Variants in NEGR1 observed in about 807,000 individuals in gnomAD.
The protein encoded by NEGR1 is IgLON family member 4.
Under a neutral mutation model 40.9 loss-of-function variants are expected in NEGR1, and 10 were observed. That is an observed-to-expected ratio of 0.24 (90% CI 0.15 to 0.42). The LOEUF is 0.42. NEGR1 is among the 10% of genes least tolerant of loss of function. NEGR1 has a pLI of 1.00. For synonymous variants in NEGR1, 185 were observed against 166.8 expected, an observed-to-expected ratio of 1.11 and a Z score of -0.84; for missense variants, 352 against 438.9, an observed-to-expected ratio of 0.80 and a Z score of 1.77.
chr1:72,037,634 A>G (rs193098185), intron 1 of NEGR1, among the ~76,000 whole-genome samples: 3 of 152,292 alleles, frequency 2.0e-5, no homozygotes, highest in Admixed American at 1.3e-4. Flanking sequence ...AGAGCAAATA[A>G]CAGAATTAAA....
chr1:71,991,351 T>A (rs1444803313), intron 1 of NEGR1, among the ~76,000 whole-genome samples: 1 of 152,170 alleles, frequency 6.6e-6, no homozygotes, highest in African/African-American at 2.4e-5. Context: ...TCAGCTCTTA[T>A]GACTTACTCT....
intron 6 of NEGR1, among the ~76,000 whole-genome samples, chr1:71,459,924 A>G (rs1414050686): frequency 2.6e-5 from 4 of 152,184 alleles, no homozygotes; most frequent in Non-Finnish European, 5.9e-5. Context: ...TACTATTGAC[A>G]ATCACAGTAC....
chr1:71,659,333 A>G (rs1431157645), intron 4 of NEGR1, among the ~76,000 whole-genome samples: 3 of 152,176 alleles, frequency 2.0e-5, no homozygotes, highest in Admixed American at 6.5e-5. Flanking sequence ...GAACTCCCCA[A>G]TATGGATTAC....
chr1:71,765,950 C>A (rs1034595513), intron 3 of NEGR1, among the ~76,000 whole-genome samples: 6 of 152,082 alleles, frequency 3.9e-5, no homozygotes, highest in Admixed American at 3.3e-4. Context: ...CCGAGGTGGG[C>A]AGATCATGAG....
intron 2 of NEGR1, among the ~76,000 whole-genome samples, chr1:71,861,733 C>T (rs1219219509): frequency 1.3e-5 from 2 of 152,048 alleles, no homozygotes; most frequent in Non-Finnish European, 2.9e-5. Context: ...GAGTAAACTA[C>T]AGTTATTAGG....
chr1:72,210,914 G>A (rs1653581097), intron 1 of NEGR1, among the ~76,000 whole-genome samples: 2 of 151,860 alleles, frequency 1.3e-5, no homozygotes, highest in East Asian at 1.9e-4. Context: ...GTCAAGTTTT[G>A]GTGTAGTACA....
At chr1:72,052,713 T>C (rs1294915376) in intron 1 of NEGR1, among the ~76,000 whole-genome samples, 1 of 151,572 alleles carries the variant, frequency 6.6e-6, no homozygotes, top group Admixed American at 6.6e-5. Flanking sequence ...TACTTGTTTT[T>C]TGAATTGAGC....
chr1:71,602,501 T>G (rs2101533562), intron 5 of NEGR1, among the ~76,000 whole-genome samples: 1 of 152,056 alleles, frequency 6.6e-6, no homozygotes, highest in South Asian at 2.1e-4. Flanking sequence ...TCCGCCCGCC[T>G]CGGCCTCCCA....
intron 1 of NEGR1, among the ~76,000 whole-genome samples, chr1:72,198,506 C>A (rs1236500062): frequency 6.6e-6 from 1 of 151,978 alleles, no homozygotes; most frequent in South Asian, 2.1e-4. Flanking sequence ...AAAAAAATTT[C>A]TATGTTATTT....
intron 6 of NEGR1, among the ~76,000 whole-genome samples, chr1:71,556,591 C>T (rs543983108): frequency 8.6e-5 from 13 of 151,044 alleles, no homozygotes; most frequent in South Asian, 6.3e-4. Flanking sequence ...TTCATGCTGG[C>T]GACAATGTTT....
chr1:72,266,857 T>C (rs1009840684), intron 1 of NEGR1, among the ~76,000 whole-genome samples: 16 of 150,078 alleles, frequency 1.1e-4, no homozygotes, highest in African/African-American at 3.9e-4. Context: ...TGAAAATCAA[T>C]TGATGAGGAG....
chr1:72,059,941 C>T (rs1168539713), intron 1 of NEGR1, among the ~76,000 whole-genome samples: 1 of 151,644 alleles, frequency 6.6e-6, no homozygotes, highest in Non-Finnish European at 1.5e-5. Flanking sequence ...TTGTTTCACA[C>T]ACAGACCAAA....
At chr1:71,468,161 G>A (rs1646758708) in intron 6 of NEGR1, 2 of 151,806 alleles carry the variant, frequency 1.3e-5, no homozygotes, top group Admixed American at 1.3e-4. Context: ...GAAAGAAATG[G>A]TATATATATT....
rs1025607117 is a variant in NEGR1, at chr1:71,397,405, C to G, written c.*10041G>C. On this transcript the variant is annotated 3_prime_UTR_variant, in exon 7 of 7. Transcript: ENST00000357731. ...GCAGTGGCATGATCTCAGCTCACTGCAACCTCTGCCTCCTGGGTTCAAGCA... is the reference window on the plus strand; with the variant it reads ...GCAGTGGCATGATCTCAGCTCACTGGAACCTCTGCCTCCTGGGTTCAAGCA... The G allele has an allele frequency of 6.5e-6, 1 of 153,042 alleles. No homozygotes were observed. Among genetic ancestry groups the G allele is most frequent in the Non-Finnish European group, 1.5e-5 (1 of 68,722 alleles). 9.5% of individuals were successfully genotyped at this position (153,042 alleles called of 1,614,324 possible).
chr1:71,544,737 G>A (rs1361272847), intron 6 of NEGR1, among the ~76,000 whole-genome samples: 1 of 151,638 alleles, frequency 6.6e-6, no homozygotes, highest in Non-Finnish European at 1.5e-5. Context: ...GAGGCAGTCT[G>A]AGTAGCTATG....
At chr1:71,686,782 C>G (rs1277416763) in intron 4 of NEGR1, among the ~76,000 whole-genome samples, 2 of 152,204 alleles carry the variant, frequency 1.3e-5, no homozygotes, top group African/African-American at 4.8e-5. Context: ...AAAGAATTCA[C>G]AAATCATCAG....
intron 3 of NEGR1, among the ~76,000 whole-genome samples, chr1:71,741,118 C>A (rs913245996): frequency 6.6e-6 from 1 of 152,132 alleles, no homozygotes; most frequent in South Asian, 2.1e-4. Flanking sequence ...TACCAAATCT[C>A]AGAGCATTCA....
intron 4 of NEGR1, among the ~76,000 whole-genome samples, chr1:71,619,197 A>G (rs532898085): frequency 2.3e-4 from 35 of 152,146 alleles, no homozygotes; most frequent in Non-Finnish European, 4.9e-4. Flanking sequence ...AAGTTGTACA[A>G]AACACTCATT....
intron 2 of NEGR1, among the ~76,000 whole-genome samples, chr1:71,806,962 C>T (rs560546841): frequency 9.5e-4 from 142 of 150,118 alleles, no homozygotes; most frequent in African/African-American, 3.2e-3. Flanking sequence ...GCGTGATCTC[C>T]GCTTACCGCA....
Sources: gnomAD v4.1 joint callset for allele counts (sites outside exome capture counted in the v4.1 genomes callset) on GRCh38, gnomAD v4.1.1 for gene constraint, MANE v1.5 for transcripts, NCBI Gene and HGNC (gene_info 2026-07-23, HGNC 2026-07-21) for gene names.